Variants in GPR158 observed in about 807,000 individuals in gnomAD.
GPR158 encodes the protein metabotropic glycine receptor.
In GPR158, 30 loss-of-function variants were observed where a neutral mutation model predicts 78.2. That is an observed-to-expected ratio of 0.38 (90% CI 0.29 to 0.52). The LOEUF (loss-of-function observed/expected upper bound fraction) is 0.52. GPR158 is among the 20% of genes least tolerant of loss of function. The pLI is 0.83. For synonymous variants in GPR158, 581 were observed against 591.1 expected (o/e 0.98, Z 0.25); for missense variants, 1,463 against 1,523.5 (o/e 0.96, Z 0.66).
chr10:25,600,979 A>G lies in GPR158; in HGVS notation c.*1705A>G, dbSNP rs1156570265. 1 of 152,118 alleles carries G rather than the reference A, an allele frequency of 6.6e-6. No individual in the cohort carries two copies. The highest frequency in any genetic ancestry group is 1.5e-5 in the Non-Finnish European group (1 of 68,024). The allele number at this position is 152,118 out of a possible 1,614,324, so 9.4% of individuals were successfully genotyped here. ...CGAGACTTCCCTTTTTCTCCCTGTA[A>G]ACACCCAAGTATCAACTGCTTATTT... On this transcript the variant is annotated 3_prime_UTR_variant, in exon 11 of 11. Coordinates refer to ENST00000376351, the MANE Select transcript of GPR158 (RefSeq NM_020752.3).
At chr10:25,511,350 G>A (rs553373872) in intron 5 of GPR158, among the ~76,000 whole-genome samples, 2 of 152,222 alleles carry the variant, frequency 1.3e-5, no homozygotes, top group East Asian at 3.9e-4. Flanking sequence ...CTTCTTCTGA[G>A]AATTGTCTAC....
At position 25,598,025 on chromosome 10, in the gene GPR158, G is replaced by A; in HGVS notation, c.2399G>A (p.Gly800Glu). Reference sequence around the variant, plus strand: ...CCCCCAGAGTCTTCAGGGAACACAGGGAAATCCAAGGAGGAGACCCTGAAA... The same window carrying A: ...CCCCCAGAGTCTTCAGGGAACACAGAGAAATCCAAGGAGGAGACCCTGAAA... Reference protein sequence around the residue: ...KNPPESSGNTGKSKEETLKNR... With the variant: ...KNPPESSGNTEKSKEETLKNR... Residue 800 changes from glycine (G) to glutamate (E), a missense_variant, in exon 11 of 11, where the codon GGG becomes GAG. By Grantham distance (98) the Gly-to-Glu change is moderately conservative (BLOSUM62 -2). Coordinates refer to ENST00000376351, the MANE Select transcript of GPR158 (RefSeq NM_020752.3). 6.2e-7 allele frequency: 1 copy of A among 1,614,020 alleles called. No homozygotes were observed. Among genetic ancestry groups the A allele is most frequent in the Non-Finnish European group, 8.5e-7 (1 of 1,180,000 alleles).
intron 2 of GPR158, among the ~76,000 whole-genome samples, chr10:25,235,191 A>G (rs145239284): frequency 3.3e-5 from 5 of 152,302 alleles, no homozygotes; most frequent in East Asian, 3.9e-4. Context: ...CTTAAATTAC[A>G]AAAGTGCTTG....
intron 8 of GPR158, among the ~76,000 whole-genome samples, chr10:25,591,639 G>T (rs139063642): frequency 6.6e-5 from 10 of 152,130 alleles, no homozygotes; most frequent in African/African-American, 1.9e-4. Flanking sequence ...TCCATTGGTA[G>T]CAAGTGTGAC....
At chr10:25,375,984 C>T (rs962993328) in intron 2 of GPR158, among the ~76,000 whole-genome samples, 1 of 151,560 alleles carries the variant, frequency 6.6e-6, no homozygotes, top group East Asian at 1.9e-4. Context: ...GAATTGACAT[C>T]TTTATTATAG....
chr10:25,307,313 A>G (rs1854691456), intron 2 of GPR158, among the ~76,000 whole-genome samples: 1 of 151,170 alleles, frequency 6.6e-6, no homozygotes, highest in Non-Finnish European at 1.5e-5. Flanking sequence ...ACACACACAG[A>G]TATACACACA....
intron 6 of GPR158, among the ~76,000 whole-genome samples, chr10:25,567,563 A>C (rs1478385117): frequency 2.0e-5 from 3 of 152,160 alleles, no homozygotes; most frequent in Admixed American, 6.5e-5. Flanking sequence ...TGTAGGATTT[A>C]GCAAAACACT....
intron 3 of GPR158, among the ~76,000 whole-genome samples, chr10:25,408,131 A>G (rs978562693): frequency 1.3e-5 from 2 of 152,238 alleles, no homozygotes; most frequent in Non-Finnish European, 2.9e-5. Flanking sequence ...AAATGTTGCC[A>G]ATGTCTTCCT....
chr10:25,520,708 G>A (rs574432278), intron 5 of GPR158, among the ~76,000 whole-genome samples: 98 of 152,172 alleles, frequency 6.4e-4, no homozygotes, highest in South Asian at 2.3e-3. Context: ...TCAGGGACCC[G>A]CTTGAGGAGG....
At chr10:25,262,478 G>C (rs1041211761) in intron 2 of GPR158, among the ~76,000 whole-genome samples, 44 of 152,082 alleles carry the variant, frequency 2.9e-4, no homozygotes, top group Non-Finnish European at 4.3e-4. Flanking sequence ...TCCAAATTTT[G>C]TGATATATTA....
chr10:25,596,440 T>G (rs968470572), intron 9 of GPR158, among the ~76,000 whole-genome samples: 5 of 152,118 alleles, frequency 3.3e-5, no homozygotes, highest in African/African-American at 1.2e-4. Context: ...GCTGCTCTCC[T>G]GGCTGAGCAA....
intron 4 of GPR158, among the ~76,000 whole-genome samples, chr10:25,451,825 ATTG>A (rs1198015607): frequency 6.6e-6 from 1 of 152,180 alleles, no homozygotes; most frequent in Non-Finnish European, 1.5e-5. Flanking sequence ...TATTGTTATC[ATTG>A]TTGTTACTCA....
At chr10:25,358,832 A>C (rs973644013) in intron 2 of GPR158, among the ~76,000 whole-genome samples, 3 of 152,096 alleles carry the variant, frequency 2.0e-5, no homozygotes, top group African/African-American at 4.8e-5. Context: ...GAATATACTT[A>C]CATAACTTTA....
chr10:25,332,122 G>GT (rs889535566), intron 2 of GPR158, among the ~76,000 whole-genome samples: 1 of 147,034 alleles, frequency 6.8e-6, no homozygotes, highest in African/African-American at 2.5e-5. Context: ...CCTGGGGGGG[G>GT]GCGAATACAT....
At chr10:25,563,722 C>T (rs1836888258) in intron 6 of GPR158, among the ~76,000 whole-genome samples, 1 of 152,036 alleles carries the variant, frequency 6.6e-6, no homozygotes. Context: ...CTTTTATGCT[C>T]CTCTTTTATG....
chr10:25,255,539 G>T (rs1430324169), intron 2 of GPR158, among the ~76,000 whole-genome samples: 2 of 152,144 alleles, frequency 1.3e-5, no homozygotes, highest in African/African-American at 2.4e-5. Context: ...AGTTCATTCT[G>T]GTCCTTGGCA....
chr10:25,204,700 T>G (rs994272079), intron 1 of GPR158, among the ~76,000 whole-genome samples: 1 of 152,204 alleles, frequency 6.6e-6, no homozygotes, highest in African/African-American at 2.4e-5. Flanking sequence ...TCAGGGATAT[T>G]GGTCTAAAAT....
chr10:25,423,027 A>G (rs1222556137), intron 4 of GPR158, among the ~76,000 whole-genome samples: 1 of 151,768 alleles, frequency 6.6e-6, no homozygotes, highest in African/African-American at 2.4e-5. Context: ...TGCGAATGCC[A>G]TTGTTTTACA....
In GPR158 at chr10:25,435,485, A is replaced by G. The variant is rs537044079; in HGVS notation, c.1335+23012A>G. On this transcript the variant is annotated intron_variant, in intron 4 of 10. Transcript: ENST00000376351. ...ATCCCAGAAAAAGAAAATTATGTCT[A>G]TGAAGGCACCCAAGTGTGAAGCAGC... Among the ~76,000 whole-genome samples, 16 of 152,268 alleles carry G rather than the reference A, an allele frequency of 1.1e-4. No individual in the cohort carries two copies. In the East Asian group the frequency reaches 3.1e-3, roughly 29 times the overall value.
Sources: allele counts gnomAD v4.1 joint callset (sites outside exome capture counted in the v4.1 genomes callset), GRCh38; gene constraint gnomAD v4.1.1; transcripts MANE v1.5; gene names NCBI Gene and HGNC (gene_info 2026-07-23, HGNC 2026-07-21).